NOC2L: variants seen among roughly 807,000 people sequenced by gnomAD.
The protein encoded by NOC2L is NOC2 like nucleolar associated transcriptional repressor.
A neutral mutation model predicts 94.2 loss-of-function variants in NOC2L; 101 were observed. The observed-to-expected ratio is 1.07, with a 90% confidence interval of 0.91 to 1.26. The LOEUF is 1.26. Among genes scored for constraint, NOC2L ranks in the 50% most tolerant of loss-of-function variants. The pLI, the probability that NOC2L is intolerant of heterozygous loss-of-function variation, is 0.00. For synonymous variants in NOC2L, 531 were observed against 413.4 expected, an observed-to-expected ratio of 1.28 and a Z score of -3.45; for missense variants, 1,076 against 980.1, an observed-to-expected ratio of 1.10 and a Z score of -1.31.
intron 2 of NOC2L, 158 bp from the exon 3 acceptor site, chr1:957,431 C>T (rs1642441835): frequency 2.0e-5 from 13 of 651,908 alleles, no homozygotes; most frequent in Non-Finnish European, 2.6e-6. Flanking sequence ...TCCTACCCAA[C>T]AACCTCTACA....
chr1:945,769 C>T (rs572451088), intron 16 of NOC2L, 116 bp from the exon 17 acceptor site: 66 of 1,271,832 alleles, frequency 5.2e-5, no homozygotes, highest in African/African-American at 1.0e-4. Flanking sequence ...TTTCTAGTCC[C>T]CTCTGTTCCC....
chr1:953,093 C>T lies in NOC2L; in HGVS notation c.1002+82G>A, dbSNP rs538552314. ...GTGAGGGTCCAGTGAGGGGCACCAACCACAAAGGCAGCCCGCCCTGCCCTT... is the reference window on the plus strand; with the variant it reads ...GTGAGGGTCCAGTGAGGGGCACCAATCACAAAGGCAGCCCGCCCTGCCCTT... On this transcript the variant is annotated intron_variant, in intron 9 of 18. Transcript: ENST00000327044. 6 of 981,564 alleles carry T rather than the reference C, an allele frequency of 6.1e-6. No homozygotes were observed. The Admixed American group carries it at 1.2e-4, about 19-fold the overall frequency. 60.8% of individuals were successfully genotyped at this position (981,564 alleles called of 1,614,324 possible).
chr1:959,244 A>T lies in NOC2L; in HGVS notation c.-4T>A. On this transcript the variant is annotated 5_prime_UTR_variant, in exon 1 of 19. Transcript: ENST00000327044. ...TGCGGCTCCCCGCAGCTGCCATGAC[A>T]CCAACCCGAAGCGTGCACCCCACTT... 6.2e-7 allele frequency: 1 copy of T among 1,605,316 alleles called. No homozygotes were observed. Among genetic ancestry groups the T allele is most frequent in the South Asian group, 1.1e-5 (1 of 90,248 alleles).
Position 957,117 on chromosome 1 carries a change from G to A in NOC2L, c.336C>T (p.Ser112=). The change falls in exon 3 of 19, where the codon TCC becomes TCT. Residue 112 remains serine, a synonymous_variant. Transcript: ENST00000327044. ...SSEEEEGPFH[S]LPDVLEEASE... ...CCCTCACCTCCAGCACATCTGGCAG[G>A]GAGTGGAACGGCCCCTCTTCCTCCT... 6.2e-7 allele frequency: 1 copy of A among 1,614,058 alleles called. No individual in the cohort carries two copies. The highest frequency in any genetic ancestry group is 8.5e-7 in the Non-Finnish European group (1 of 1,180,024).
chr1:949,788 C>T (rs574827979), intron 12 of NOC2L, among the ~76,000 whole-genome samples: 1 of 152,310 alleles, frequency 6.6e-6, no homozygotes, highest in Non-Finnish European at 1.5e-5. Flanking sequence ...TGGGAGTGAA[C>T]ATGGCTTCCT....
Position 952,604 on chromosome 1 carries a change from C to A in NOC2L, c.1003-4G>T. On this transcript the variant is annotated splice_region_variant and splice_polypyrimidine_tract_variant and intron_variant, in intron 9 of 18. Coordinates refer to ENST00000327044, the MANE Select transcript of NOC2L (RefSeq NM_015658.4). Reference sequence around the variant, plus strand: ...TCACATACGTGATGTACATTTGCTGCGGAGAGACCCGGGTCAGAGCCACCT... The same window carrying A: ...TCACATACGTGATGTACATTTGCTGAGGAGAGACCCGGGTCAGAGCCACCT... 1 of 1,613,414 alleles carries A rather than the reference C, an allele frequency of 6.2e-7. No homozygotes were observed. Among genetic ancestry groups the A allele is most frequent in the East Asian group, 2.2e-5 (1 of 44,882 alleles).
chr1:952,949 T>C (rs1424396057), intron 9 of NOC2L, among the ~76,000 whole-genome samples: 1 of 152,096 alleles, frequency 6.6e-6, no homozygotes, highest in Non-Finnish European at 1.5e-5. Context: ...GGGGAAGCTG[T>C]GTGAAGCAGG....
intron 11 of NOC2L, 63 bp from the exon 12 acceptor site, chr1:951,301 G>C: frequency 7.8e-7 from 1 of 1,288,188 alleles, no homozygotes; most frequent in Non-Finnish European, 1.1e-6. Context: ...CCCTCCCCCT[G>C]CTGTCTTGGA....
intron 6 of NOC2L, among the ~76,000 whole-genome samples, chr1:955,685 A>G (rs1642382106): frequency 6.6e-6 from 1 of 152,218 alleles, no homozygotes; most frequent in African/African-American, 2.4e-5. Context: ...ACACCTTCTG[A>G]GACTCTGAGC....
intron 12 of NOC2L, among the ~76,000 whole-genome samples, chr1:950,318 C>A (rs554317835): frequency 2.6e-5 from 4 of 151,994 alleles, no homozygotes; most frequent in Non-Finnish European, 5.9e-5. Context: ...TGCACGCAGA[C>A]ACACATGCAT....
chr1:957,177 C>T lies in NOC2L; in HGVS notation c.276G>A (p.Gln92=). 1.2e-6 allele frequency: 2 copies of T among 1,614,070 alleles called. No individual in the cohort carries two copies. The highest frequency in any genetic ancestry group is 1.7e-4 in the Middle Eastern group (1 of 6,054). The part of the protein sequence containing the change: ...EFYKFLQEND[Q]SLLNFSDSDS... The stretch of plus-strand genomic sequence containing the variant: ...CCGAGTCGCTGAAGTTTAGCAGGCT[C>T]TGGTCATTCTCCTGCAGGAACTTGT... Residue 92 remains glutamine, a synonymous_variant, in exon 3 of 19, where the codon CAG becomes CAA. Coordinates refer to ENST00000327044, the MANE Select transcript of NOC2L (RefSeq NM_015658.4).
In NOC2L at chr1:959,008, TTTCGGACTCGGA is replaced by T. The variant is rs768510112; in HGVS notation, c.88_99del (p.Ser30_Glu33del). The T allele has an allele frequency of 2.2e-5, 36 of 1,612,572 alleles. No individual in the cohort carries two copies. Among genetic ancestry groups the T allele is most frequent in the African/African-American group, 5.3e-5 (4 of 75,030 alleles). ...TCCCGTGTCTCCGCTTGTGGAGAAT[TTTCGGACTCGGA>T]TTCGGACTCGGAGTCAAAGCCCGAA... is the stretch of plus-strand genomic sequence containing the variant. On this transcript the variant is annotated inframe_deletion, in exon 2 of 19. Transcript: ENST00000327044.
Position 957,005 on chromosome 1 carries a change from A to ATCC in NOC2L, c.372_374dup (p.Glu124dup). The ATCC allele has an allele frequency of 1.2e-6, 2 of 1,614,032 alleles. No individual in the cohort carries two copies. The highest frequency in any genetic ancestry group is 1.6e-4 in the Middle Eastern group (1 of 6,062). On this transcript the variant is annotated inframe_insertion, in exon 4 of 19. Transcript: ENST00000327044. ...CCCCATCTTCTCCTTCCTCCGCTCC[A>ATCC]TCCTCCTCCTCACTGGCTTCCTGCA...
At chr1:953,422 G>A (rs971319336) in intron 8 of NOC2L, 134 bp from the exon 9 acceptor site, 18 of 633,410 alleles carry the variant, frequency 2.8e-5, no homozygotes, top group Admixed American at 1.6e-4. Flanking sequence ...CGGGGGAGCC[G>A]TGAGTTAGGT....
At position 957,270 on chromosome 1, in the gene NOC2L, C is replaced by G; in HGVS notation, c.183G>C (p.Arg61=). 1 of 1,613,446 alleles carries G rather than the reference C, an allele frequency of 6.2e-7. No individual in the cohort carries two copies. Among genetic ancestry groups the G allele is most frequent in the Non-Finnish European group, 8.5e-7 (1 of 1,179,836 alleles). The change falls in exon 3 of 19, where the codon CGG becomes CGC. Residue 61 remains arginine (R), a synonymous_variant. Coordinates refer to ENST00000327044, the MANE Select transcript of NOC2L (RefSeq NM_015658.4). The stretch of plus-strand genomic sequence containing the variant: ...TGTGCTCAGAGGCACGGCCTTTACG[C>G]CGGCTGAGGAGGCAGAAGTCAGCGA... ...DKPGGSPSAS[R]RKGRASEHKD... is the part of the protein sequence containing the mutation.
At chr1:948,448 C>A in intron 13 of NOC2L, 42 bp downstream of exon 13, 1 of 1,482,070 alleles carries the variant, frequency 6.7e-7, no homozygotes, top group South Asian at 1.1e-5. Flanking sequence ...CCAACCCCAC[C>A]CTGGGAACTG....
At chr1:949,699 C>T (rs964621960) in intron 12 of NOC2L, among the ~76,000 whole-genome samples, 8 of 152,188 alleles carry the variant, frequency 5.3e-5, no homozygotes, top group Non-Finnish European at 8.8e-5. Flanking sequence ...ATGCCTGGAG[C>T]TGGGCAGCAG....
At chr1:958,819 G>C (rs749381967) in intron 2 of NOC2L, 110 bp downstream of exon 2, 15 of 1,080,708 alleles carry the variant, frequency 1.4e-5, no homozygotes, top group Non-Finnish European at 1.8e-5. Flanking sequence ...CTGGGGGGCA[G>C]AGGTCGGCGA....
At chr1:955,879 G>T in intron 6 of NOC2L, 44 bp downstream of exon 6, 2 of 1,515,104 alleles carry the variant, frequency 1.3e-6, no homozygotes, top group South Asian at 1.1e-5. Flanking sequence ...GTGTGGTCCC[G>T]ACCCACCTTC....
Sources: gnomAD v4.1 joint callset for allele counts (sites outside exome capture counted in the v4.1 genomes callset) on GRCh38, gnomAD v4.1.1 for gene constraint, MANE v1.5 for transcripts, NCBI Gene and HGNC (gene_info 2026-07-23, HGNC 2026-07-21) for gene names.